The following AFDN variants were observed in gnomAD, a reference collection of about 807,000 sequenced individuals.
AFDN encodes the protein afadin, adherens junction formation factor, also known as afadin.
In AFDN, 68 loss-of-function variants were observed where a neutral mutation model predicts 216.6. The ratio of observed to expected loss-of-function variants is 0.31; its 90% CI spans 0.26 to 0.38. The LOEUF is 0.38. Ranked by LOEUF, AFDN falls within the 10% of genes least tolerant of loss-of-function variation. The pLI, the probability that AFDN is intolerant of heterozygous loss-of-function variation, is 1.00. For synonymous variants in AFDN, 868 were observed against 853.7 expected, an observed-to-expected ratio of 1.02 and a Z score of -0.29; for missense variants, 2,136 against 2,342.0, an observed-to-expected ratio of 0.91 and a Z score of 1.82.
chr6:167,922,763 G>A (rs1425744396), intron 21 of AFDN, 93 bp from the exon 22 acceptor site: 1 of 770,306 alleles, frequency 1.3e-6, no homozygotes, highest in Non-Finnish European at 2.3e-6. Flanking sequence ...TCAATACCGT[G>A]TGTTGGATAT....
chr6:167,965,277 A>G (rs1311119528), intron 31 of AFDN, among the ~76,000 whole-genome samples: 1 of 152,268 alleles, frequency 6.6e-6, no homozygotes. Context: ...GGGCTCAGTG[A>G]AAAAGAGTGC....
Position 167,911,324 on chromosome 6 carries a change from T to C in AFDN, c.1872T>C (p.Asn624=), listed in dbSNP as rs1790366284. Residue 624 remains asparagine (N), a synonymous_variant, in exon 15 of 34, where the codon AAT becomes AAC. Coordinates refer to ENST00000683244, the MANE Select transcript of AFDN (RefSeq NM_001386888.1). ...SFLSAIINYT[N]SSTVHFKLSP... The stretch of plus-strand genomic sequence containing the variant: ...TGTCTGCCATTATAAATTATACTAA[T>C]AGCTCTACAGTCCACTTTAAGTTGT... 6.2e-7 allele frequency: 1 copy of C among 1,614,078 alleles called. No homozygotes were observed. Among genetic ancestry groups the C allele is most frequent in the Non-Finnish European group, 8.5e-7 (1 of 1,179,926 alleles).
chr6:167,968,589 A>G (rs1797785769), intron 32 of AFDN: 1 of 155,666 alleles, frequency 6.4e-6, no homozygotes, highest in Admixed American at 6.2e-5. Flanking sequence ...AGATTTTTCC[A>G]GTGTGAATTT....
chr6:167,963,595 G>A (rs144060265), intron 31 of AFDN: 16,638 of 1,058,030 alleles, frequency 0.016, 169 homozygotes, highest in Non-Finnish European at 0.018. Context: ...CTTAAATGGA[G>A]TAGAGTGAAT....
At chr6:167,896,210 A>G (rs1788224821) in intron 9 of AFDN, among the ~76,000 whole-genome samples, 1 of 146,494 alleles carries the variant, frequency 6.8e-6, no homozygotes, top group African/African-American at 2.5e-5. Context: ...AACAGTTCAT[A>G]AAGGTATAAA....
At chr6:167,869,756 C>T (rs963523) in intron 2 of AFDN, among the ~76,000 whole-genome samples, 5 of 152,022 alleles carry the variant, frequency 3.3e-5, no homozygotes, top group Non-Finnish European at 5.9e-5. Flanking sequence ...GATAAGTGTG[C>T]CTGGGAGGCT....
intron 1 of AFDN, among the ~76,000 whole-genome samples, chr6:167,828,433 C>T (rs1028957521): frequency 1.2e-4 from 18 of 152,166 alleles, no homozygotes; most frequent in Non-Finnish European, 1.0e-4. Flanking sequence ...CTGCACTTGA[C>T]GTGGGTAGCT....
At chr6:167,936,571 T>A (rs1794024289) in intron 23 of AFDN, among the ~76,000 whole-genome samples, 1 of 151,416 alleles carries the variant, frequency 6.6e-6, no homozygotes, top group Non-Finnish European at 1.5e-5. Context: ...TTCATACAGT[T>A]TTTTTTTTAA....
At position 167,961,080 on chromosome 6, in the gene AFDN, T is replaced by A. The variant is rs114089962; in HGVS notation, c.4834-1353T>A. On this transcript the variant is annotated intron_variant, in intron 30 of 33. Coordinates refer to ENST00000683244, the MANE Select transcript of AFDN (RefSeq NM_001386888.1). Reference sequence around the variant, plus strand: ...GTTGATTTTTATTTAAAAAAAAAAATACATACAAAATCAATTCAAATTCCA... The same window carrying A: ...GTTGATTTTTATTTAAAAAAAAAAAAACATACAAAATCAATTCAAATTCCA... 7.4e-3 allele frequency among the ~76,000 whole-genome samples: 1,098 copies of A among 149,268 alleles called. 15 individuals are homozygous for A. The highest frequency in any genetic ancestry group is 0.025 in the Middle Eastern group (7 of 280).
Position 167,969,206 on chromosome 6 carries a change from C to T in AFDN, c.5342+8C>T, listed in dbSNP as rs758206369. 39 of 1,609,276 alleles carry T rather than the reference C, an allele frequency of 2.4e-5. No homozygotes were observed. Among genetic ancestry groups the T allele is most frequent in the Admixed American group, 2.3e-4 (14 of 59,990 alleles). ...AGAGAAGCGCTCTAAAAGGTATGGACGGTTGCACTAGACGAGGAACTTCAT... is the reference window on the plus strand; with the variant it reads ...AGAGAAGCGCTCTAAAAGGTATGGATGGTTGCACTAGACGAGGAACTTCAT... On this transcript the variant is annotated splice_region_variant and intron_variant, in intron 33 of 33. Coordinates refer to ENST00000683244, the MANE Select transcript of AFDN (RefSeq NM_001386888.1).
chr6:167,880,209 G>A, intron 5 of AFDN, 151 bp from the exon 6 acceptor site: 1 of 667,052 alleles, frequency 1.5e-6, no homozygotes. Flanking sequence ...TTATCTAACA[G>A]GAAATGAAAC....
In AFDN at chr6:167,951,563, G is replaced by C; in HGVS notation, c.4209G>C (p.Gln1403His). The change falls in exon 30 of 34, where the codon CAG becomes CAC. Residue 1403 changes from glutamine to histidine, a missense_variant. By Grantham distance (24) the Gln-to-His change is conservative. Coordinates refer to ENST00000683244, the MANE Select transcript of AFDN (RefSeq NM_001386888.1). This position sits in a 1 kb window ranked among gnomAD's most constrained non-coding sequence, Gnocchi z 7.1. ...TCCCACCACCCCCTTCCGCCAACCA[G>C]ATAGGGCTGCCGTCTGCGCAGGTGG... ...LPLPPPPSAN[Q>H]IGLPSAQVAA... The C allele has an allele frequency of 6.2e-7, 1 of 1,614,006 alleles. No homozygotes were observed. Among genetic ancestry groups the C allele is most frequent in the Non-Finnish European group, 8.5e-7 (1 of 1,179,964 alleles).
intron 31 of AFDN, chr6:167,963,685 T>C (rs917857769): frequency 9.4e-7 from 1 of 1,060,686 alleles, no homozygotes; most frequent in African/African-American, 1.6e-5. Flanking sequence ...TATCATCATA[T>C]TATCTGTTGA....
At chr6:167,828,540 C>G (rs1779470218) in intron 1 of AFDN, among the ~76,000 whole-genome samples, 1 of 152,198 alleles carries the variant, frequency 6.6e-6, no homozygotes, top group African/African-American at 2.4e-5. Context: ...ACTCCTGATT[C>G]ATTCATCTTC....
chr6:167,855,138 G>A (rs1782750750), intron 1 of AFDN, among the ~76,000 whole-genome samples: 1 of 151,974 alleles, frequency 6.6e-6, no homozygotes. Flanking sequence ...GAGTTTAGTT[G>A]ACACAGTTTT....
chr6:167,922,751 A>T, intron 21 of AFDN, 105 bp from the exon 22 acceptor site: 1 of 706,914 alleles, frequency 1.4e-6, no homozygotes, highest in Non-Finnish European at 2.5e-6. Flanking sequence ...GAGTAAGAAG[A>T]ATCAATACCG....
chr6:167,835,237 A>C (rs1780290774), intron 1 of AFDN, among the ~76,000 whole-genome samples: 1 of 152,218 alleles, frequency 6.6e-6, no homozygotes, highest in African/African-American at 2.4e-5. Context: ...TTTTTAAAAA[A>C]TTTTCATTTC....
At chr6:167,964,005 G>A (rs112789408) in intron 31 of AFDN, 3 of 1,064,300 alleles carry the variant, frequency 2.8e-6, no homozygotes, top group Non-Finnish European at 3.4e-6. Flanking sequence ...CCGGAGCCTC[G>A]GCGGGGGCAG....
At chr6:167,839,605 T>G (rs9364365) in intron 1 of AFDN, among the ~76,000 whole-genome samples, 1 of 151,932 alleles carries the variant, frequency 6.6e-6, no homozygotes, top group Non-Finnish European at 1.5e-5. Context: ...TAACTGGCAC[T>G]GAGATCTGGG....
Sources: allele counts gnomAD v4.1 joint callset (sites outside exome capture counted in the v4.1 genomes callset), GRCh38; gene constraint gnomAD v4.1.1; non-coding constraint Gnocchi (gnomAD v3.1); transcripts MANE v1.5; gene names NCBI Gene and HGNC (gene_info 2026-07-23, HGNC 2026-07-21).